NDUFS1: variants seen among roughly 807,000 people sequenced by gnomAD.
NDUFS1 encodes NADH:ubiquinone oxidoreductase core subunit S1.
In NDUFS1, 61 loss-of-function variants were observed where a neutral mutation model predicts 84.4. The observed-to-expected ratio is 0.72, with a 90% CI of 0.59 to 0.89. The LOEUF (loss-of-function observed/expected upper bound fraction) is 0.89, where lower values mean the gene tolerates loss of function less well. NDUFS1 is among the 40% of genes least tolerant of loss of function. NDUFS1 has a pLI of 0.00. For missense variants in NDUFS1, 891 were observed against 890.0 expected, an observed-to-expected ratio of 1.00 and a Z score of -0.01; for synonymous variants, 275 against 290.0, an observed-to-expected ratio of 0.95 and a Z score of 0.53.
Position 206,147,653 on chromosome 2 carries a change from G to T in NDUFS1, c.429C>A (p.Ser143=). ...QGGECDLQDQ[S]MMFGNDRSRF... is the part of the protein sequence containing the mutation. ...GGCTCCTATCATTTCCAAACATCAT[G>T]GACTGGTCCTTAAGTAGATTATGAA... The change falls in exon 7 of 19, where the codon TCC becomes TCA. Residue 143 remains serine, a synonymous_variant. Transcript: ENST00000233190. 1 of 1,614,058 alleles carries T rather than the reference G, an allele frequency of 6.2e-7. No individual in the cohort carries two copies. Among genetic ancestry groups the T allele is most frequent in the Non-Finnish European group, 8.5e-7 (1 of 1,180,002 alleles).
intron 16 of NDUFS1, 128 bp downstream of exon 16, chr2:206,127,669 T>C (rs190546590): frequency 5.5e-4 from 553 of 1,013,708 alleles, no homozygotes; most frequent in Non-Finnish European, 7.8e-4. Flanking sequence ...ATGTTTTCTA[T>C]AGAAATTATT....
rs775330446 is a variant in NDUFS1 at position 206,146,922 on chromosome 2, C to T, written c.718G>A (p.Ala240Thr). Residue 240 changes from alanine (A) to threonine (T), a missense_variant, in exon 8 of 19, where the codon GCC becomes ACC. Physicochemically the swap from Ala to Thr is moderately conservative, Grantham distance 58. Coordinates refer to ENST00000233190, the MANE Select transcript of NDUFS1 (RefSeq NM_005006.7). ...AGATACCTTGTTTCCCAAGGCCGGG[C>T]AGTAAAGGCATAGGGCTTAGAGGTT... The part of the protein sequence containing the change: ...ALTSKPYAFT[A>T]RPWETRKTES... The T allele has an allele frequency of 1.9e-6, 3 of 1,613,848 alleles. No individual in the cohort carries two copies. The African/African-American group carries it at 4.0e-5, about 22-fold the overall frequency.
At chr2:206,129,238 A>G (rs1314480242) in intron 15 of NDUFS1, among the ~76,000 whole-genome samples, 1 of 152,156 alleles carries the variant, frequency 6.6e-6, no homozygotes, top group Non-Finnish European at 1.5e-5. Flanking sequence ...AAAGGACTAA[A>G]AACAGGATTT....
rs563115157 is a variant in NDUFS1 at position 206,116,549 on chromosome 2, G to A, written c.*7636C>T. ...AGCGCTACGCCTCAGCCACTCGCGCGGGGAGGCGGGGCGGTGTGGGCAGAA... is the reference window on the plus strand; with the variant it reads ...AGCGCTACGCCTCAGCCACTCGCGCAGGGAGGCGGGGCGGTGTGGGCAGAA... On this transcript the variant is annotated 3_prime_UTR_variant, in exon 19 of 19. Coordinates refer to ENST00000233190, the MANE Select transcript of NDUFS1 (RefSeq NM_005006.7). The A allele has an allele frequency of 1.8e-4, 129 of 733,208 alleles. No individual in the cohort carries two copies. The highest frequency in any genetic ancestry group is 3.8e-4 in the Middle Eastern group (1 of 2,600). 45.4% of individuals were successfully genotyped at this position (733,208 alleles called of 1,614,324 possible).
At chr2:206,125,524 TAAC>T (rs1284032076) in intron 18 of NDUFS1, among the ~76,000 whole-genome samples, 2 of 151,156 alleles carry the variant, frequency 1.3e-5, no homozygotes, top group Admixed American at 1.3e-4. Context: ...TACATATAAA[TAAC>T]AATAGTTAAT....
chr2:206,155,235 T>C (rs1687602656), intron 1 of NDUFS1, among the ~76,000 whole-genome samples: 2 of 150,028 alleles, frequency 1.3e-5, no homozygotes, highest in African/African-American at 4.9e-5. Context: ...TCTCCTGCCT[T>C]GGCTTCCTGA....
rs71034409 is a variant in NDUFS1 at position 206,122,629 on chromosome 2, C to CAAAAAAAAAAAAAAAAAAAAAAAA, written c.*1555_*1556insTTTTTTTTTTTTTTTTTTTTTTTT. On this transcript the variant is annotated 3_prime_UTR_variant, in exon 19 of 19. Transcript: ENST00000233190. ...TGGGTGACAGAGTAAGACTCCATCT[C>CAAAAAAAAAAAAAAAAAAAAAAAA]AAAAAAAAAAAAAAAACAAAGGGAA... 3.0e-4 allele frequency: 23 copies of CAAAAAAAAAAAAAAAAAAAAAAAA among 75,536 alleles called. 2 individuals carry two copies. Among genetic ancestry groups the CAAAAAAAAAAAAAAAAAAAAAAAA allele is most frequent in the African/African-American group, 1.4e-3 (20 of 14,560 alleles). 4.7% of individuals were successfully genotyped at this position (75,536 alleles called of 1,614,324 possible).
chr2:206,147,370 C>A (rs1000083891), intron 7 of NDUFS1, among the ~76,000 whole-genome samples, 161 bp downstream of exon 7: 1 of 152,146 alleles, frequency 6.6e-6, no homozygotes, highest in African/African-American at 2.4e-5. Flanking sequence ...GAAGTTGGTA[C>A]TAAATGAAAG....
intron 1 of NDUFS1, among the ~76,000 whole-genome samples, chr2:206,154,809 G>A (rs1305226460): frequency 6.6e-6 from 1 of 151,770 alleles, no homozygotes; most frequent in South Asian, 2.1e-4. Context: ...ATCTTTAGTA[G>A]AGACAGGGTT....
intron 8 of NDUFS1, among the ~76,000 whole-genome samples, chr2:206,146,280 A>G (rs569548369): frequency 7.2e-5 from 11 of 152,352 alleles, no homozygotes; most frequent in African/African-American, 2.4e-4. Flanking sequence ...AAGGGGATGT[A>G]TGACAACCAC....
Position 206,142,067 on chromosome 2 carries a change from G to A in NDUFS1, c.1136C>T (p.Thr379Ile). The A allele has an allele frequency of 8.2e-6, 13 of 1,592,608 alleles. No homozygotes were observed. Among genetic ancestry groups the A allele is most frequent in the Non-Finnish European group, 1.1e-5 (13 of 1,160,670 alleles). ...AAGAAGATAATTGGAACGCAAATCTGTGCTAGAAATACAATATATAAAATG... is the reference window on the plus strand; with the variant it reads ...AAGAAGATAATTGGAACGCAAATCTATGCTAGAAATACAATATATAAAATG... ...EEVFPTAGAG[T>I]DLRSNYLLNT... The change falls in exon 12 of 19, where the codon ACA becomes ATA. Residue 379 changes from threonine (T) to isoleucine (I), a missense_variant and splice_region_variant. By Grantham distance (89) the Thr-to-Ile change is moderately conservative. Transcript: ENST00000233190.
chr2:206,158,041 G>A (rs1168910836), intron 1 of NDUFS1, among the ~76,000 whole-genome samples: 1 of 147,710 alleles, frequency 6.8e-6, no homozygotes, highest in Non-Finnish European at 1.5e-5. Flanking sequence ...TCGGCTCACT[G>A]CAAGCCCCGC....
At chr2:206,129,941 G>A in intron 15 of NDUFS1, 147 bp downstream of exon 15, 1 of 832,892 alleles carries the variant, frequency 1.2e-6, no homozygotes, top group Non-Finnish European at 2.0e-6. Flanking sequence ...TAACACTTGT[G>A]GTTTGTTTAA....
intron 2 of NDUFS1, among the ~76,000 whole-genome samples, chr2:206,152,740 T>C (rs1342668936): frequency 6.7e-6 from 1 of 148,814 alleles, no homozygotes; most frequent in Non-Finnish European, 1.5e-5. Flanking sequence ...AGTCTTGCCC[T>C]GTCACCCAGG....
intron 14 of NDUFS1, 43 bp from the exon 15 acceptor site, chr2:206,130,285 C>T (rs577231061): frequency 4.4e-6 from 7 of 1,605,172 alleles, no homozygotes; most frequent in South Asian, 3.3e-5. Context: ...GCAGTATTTT[C>T]AATGTAAAAA....
At chr2:206,154,569 C>A (rs1222486289) in intron 1 of NDUFS1, among the ~76,000 whole-genome samples, 4 of 152,186 alleles carry the variant, frequency 2.6e-5, no homozygotes, top group Non-Finnish European at 5.9e-5. Flanking sequence ...TATATAAACA[C>A]CACGACTTAA....
At chr2:206,152,994 A>G (rs1049562742) in intron 2 of NDUFS1, among the ~76,000 whole-genome samples, 1 of 152,096 alleles carries the variant, frequency 6.6e-6, no homozygotes, top group African/African-American at 2.4e-5. Flanking sequence ...GTGAGCCACC[A>G]TACCCAACTT....
Position 206,116,085 on chromosome 2 carries a change from A to G in NDUFS1, c.*8100T>C. 9.0e-7 allele frequency: 1 copy of G among 1,114,340 alleles called. No individual in the cohort carries two copies. The highest frequency in any genetic ancestry group is 1.7e-5 in the Admixed American group (1 of 59,400). The allele number at this position is 1,114,340 out of a possible 1,614,324, so 69.0% of individuals were successfully genotyped here. ...ACTCTGCTGGGTTGCGTTATTTCATACTAGCTTATTTAGTGGTTCCATTTT... is the reference window on the plus strand; with the variant it reads ...ACTCTGCTGGGTTGCGTTATTTCATGCTAGCTTATTTAGTGGTTCCATTTT... On this transcript the variant is annotated 3_prime_UTR_variant, in exon 19 of 19. Coordinates refer to ENST00000233190, the MANE Select transcript of NDUFS1 (RefSeq NM_005006.7).
At position 206,116,680 on chromosome 2, in the gene NDUFS1, G is replaced by A. The variant is rs1432007838; in HGVS notation, c.*7505C>T. 2 of 388,428 alleles carry A rather than the reference G, an allele frequency of 5.1e-6. No homozygotes were observed. Among genetic ancestry groups the A allele is most frequent in the Admixed American group, 7.8e-5 (2 of 25,648 alleles). The allele number at this position is 388,428 out of a possible 1,614,324, so 24.1% of individuals were successfully genotyped here. A position where few individuals can be genotyped will look rare whatever the true frequency, so the allele number is the denominator to read the frequency against. On this transcript the variant is annotated 3_prime_UTR_variant, in exon 19 of 19. Transcript: ENST00000233190. The stretch of plus-strand genomic sequence containing the variant: ...GTGGGAGGAGCGCCTGGGCCCAGGG[G>A]TTCAAGACGAGCCTGGGCAACATAG...
Sources: gnomAD v4.1 joint callset for allele counts (sites outside exome capture counted in the v4.1 genomes callset) on GRCh38, gnomAD v4.1.1 for gene constraint, MANE v1.5 for transcripts, NCBI Gene and HGNC (gene_info 2026-07-23, HGNC 2026-07-21) for gene names.